NPAS3: variants seen among roughly 807,000 people sequenced by gnomAD.
The protein encoded by NPAS3 is neuronal PAS domain protein 3.
NPAS3 carries 14 observed loss-of-function variants against 73.1 expected under a neutral mutation model. The ratio of observed to expected loss-of-function variants is 0.19; its 90% CI spans 0.13 to 0.30. The LOEUF (loss-of-function observed/expected upper bound fraction) is 0.30, where lower values mean the gene tolerates loss of function less well. Ranked by LOEUF, NPAS3 falls within the 10% of genes least tolerant of loss-of-function variation. NPAS3 has a pLI of 1.00. For missense variants in NPAS3, 1,096 were observed against 1,250.0 expected, an observed-to-expected ratio of 0.88 and a Z score of 1.86; for synonymous variants, 620 against 541.5, an observed-to-expected ratio of 1.14 and a Z score of -2.01.
At chr14:33,344,066 T>C in intron 3 of NPAS3, among the ~76,000 whole-genome samples, 1 of 152,182 alleles carries the variant, frequency 6.6e-6, no homozygotes, top group East Asian at 1.9e-4. Context: ...CTTAGAGTGA[T>C]ACAAATATGG....
chr14:33,572,099 AC>A (rs1393714008), intron 5 of NPAS3, among the ~76,000 whole-genome samples: 5 of 152,114 alleles, frequency 3.3e-5, no homozygotes, highest in Non-Finnish European at 7.4e-5. Flanking sequence ...TATTTCCCAA[AC>A]CTTTCATAGG....
At chr14:33,515,789 C>T (rs1458988924) in intron 4 of NPAS3, among the ~76,000 whole-genome samples, 2 of 152,086 alleles carry the variant, frequency 1.3e-5, no homozygotes, top group Admixed American at 6.6e-5. Flanking sequence ...ATTTATTGCT[C>T]TTCATGGATC....
chr14:33,168,665 G>A (rs1253490712), intron 2 of NPAS3, among the ~76,000 whole-genome samples: 1 of 152,058 alleles, frequency 6.6e-6, no homozygotes, highest in African/African-American at 2.4e-5. Flanking sequence ...GATGCTTCCC[G>A]ACTGCATTTT....
chr14:33,749,194 T>C (rs1371991595), intron 7 of NPAS3, among the ~76,000 whole-genome samples: 1 of 152,202 alleles, frequency 6.6e-6, no homozygotes, highest in African/African-American at 2.4e-5. Context: ...CCTCATTCCA[T>C]AAACAGTGGC....
intron 1 of NPAS3, among the ~76,000 whole-genome samples, chr14:33,003,990 G>A (rs1046167982): frequency 1.3e-5 from 2 of 152,120 alleles, no homozygotes; most frequent in East Asian, 3.9e-4. Flanking sequence ...CCTGGTCATA[G>A]CACCTATTAA....
intron 2 of NPAS3, among the ~76,000 whole-genome samples, chr14:33,057,908 T>A (rs1214311046): frequency 1.3e-5 from 2 of 152,164 alleles, no homozygotes; most frequent in East Asian, 3.8e-4. Flanking sequence ...GTACATTTAA[T>A]AGCACCTATA....
chr14:33,200,140 G>T (rs1023605419), intron 2 of NPAS3, among the ~76,000 whole-genome samples: 5 of 151,442 alleles, frequency 3.3e-5, no homozygotes, highest in Admixed American at 2.6e-4. Context: ...AAAACTGTGT[G>T]GTTTAAACAT....
chr14:33,402,357 C>A (rs1035769095), intron 4 of NPAS3, among the ~76,000 whole-genome samples: 1 of 152,034 alleles, frequency 6.6e-6, no homozygotes, highest in Non-Finnish European at 1.5e-5. Flanking sequence ...AATAATGTGA[C>A]CACTGAGAAA....
At chr14:33,015,741 A>C (rs1179353138) in intron 1 of NPAS3, among the ~76,000 whole-genome samples, 2 of 152,190 alleles carry the variant, frequency 1.3e-5, no homozygotes, top group Non-Finnish European at 2.9e-5. Flanking sequence ...ACATATTCTC[A>C]AGAAGGAAAT....
At position 33,201,004 on chromosome 14, in the gene NPAS3, C is replaced by T. The variant is rs548365420; in HGVS notation, c.141-14178C>T. ...ACAATAGTCTAACCATTTCAGAAAA[C>T]GAATAAAAACCAACCAAACTATACC... On this transcript the variant is annotated intron_variant, in intron 2 of 11. Transcript: ENST00000356141. 5.3e-5 allele frequency among the ~76,000 whole-genome samples: 8 copies of T among 152,072 alleles called. No individual in the cohort carries two copies. The South Asian group carries it at 8.3e-4, about 16-fold the overall frequency.
intron 3 of NPAS3, among the ~76,000 whole-genome samples, chr14:33,316,558 T>C (rs1045713730): frequency 2.2e-4 from 34 of 152,226 alleles, no homozygotes; most frequent in African/African-American, 7.9e-4. Context: ...TACTAATTTC[T>C]GTTACTATAT....
At chr14:33,165,372 A>G (rs933826233) in intron 2 of NPAS3, among the ~76,000 whole-genome samples, 2 of 151,684 alleles carry the variant, frequency 1.3e-5, no homozygotes, top group Non-Finnish European at 2.9e-5. Context: ...ATGCAGTGTA[A>G]CAAACCAGCA....
At chr14:33,790,964 A>C (rs2063342158) in intron 9 of NPAS3, among the ~76,000 whole-genome samples, 3 of 152,192 alleles carry the variant, frequency 2.0e-5, no homozygotes, top group Admixed American at 2.0e-4. Flanking sequence ...TCTGTTGCAA[A>C]CCAAAAGCAA....
intron 2 of NPAS3, among the ~76,000 whole-genome samples, chr14:33,072,142 C>A (rs138985530): frequency 6.6e-6 from 1 of 152,132 alleles, no homozygotes; most frequent in African/African-American, 2.4e-5. Flanking sequence ...CCGCCTGCCT[C>A]GGTCTCCTAA....
chr14:33,345,207 C>T (rs890211863), intron 3 of NPAS3, among the ~76,000 whole-genome samples: 5 of 152,186 alleles, frequency 3.3e-5, no homozygotes, highest in African/African-American at 9.6e-5. Context: ...TACACATAAA[C>T]CTCACTTAAA....
chr14:33,543,988 T>TGC (rs1427992989), intron 4 of NPAS3, among the ~76,000 whole-genome samples: 1 of 39,090 alleles, frequency 2.6e-5, no homozygotes, highest in Admixed American at 2.4e-4. Context: ...TATATATATA[T>TGC]ATATATATAT....
Position 32,971,627 on chromosome 14 carries a change from T to C in NPAS3, c.50+32261T>C, listed in dbSNP as rs2037428014. ...AGCAGGCATAATAGTAGAAGTGATG[T>C]TTTGTGAGCTCCATTTTGGATCACA... is the stretch of plus-strand genomic sequence containing the variant. On this transcript the variant is annotated intron_variant, in intron 1 of 11. Transcript: ENST00000356141. 2.0e-5 allele frequency among the ~76,000 whole-genome samples: 3 copies of C among 152,172 alleles called. No homozygotes were observed. In the South Asian group the frequency reaches 6.2e-4, roughly 32 times the overall value.
At chr14:32,938,457 A>AAGAGAG (rs139406191), upstream of NPAS3, among the ~76,000 whole-genome samples, 4 of 68,668 alleles carry the variant, frequency 5.8e-5, no homozygotes, top group African/African-American at 2.6e-4. Context: ...CCCAACGAGA[A>AAGAGAG]AGAGAGAGAG....
chr14:33,267,488 G>T (rs2040869041), intron 3 of NPAS3, among the ~76,000 whole-genome samples: 1 of 152,042 alleles, frequency 6.6e-6, no homozygotes, highest in African/African-American at 2.4e-5. Flanking sequence ...AGCTGTGTTT[G>T]CATGAATTGA....
Sources: allele counts gnomAD v4.1 joint callset (sites outside exome capture counted in the v4.1 genomes callset), GRCh38; gene constraint gnomAD v4.1.1; transcripts MANE v1.5; gene names NCBI Gene and HGNC (gene_info 2026-07-23, HGNC 2026-07-21).